The following LARGE1 variants were observed in gnomAD, a reference collection of about 807,000 sequenced individuals.
LARGE1 encodes LARGE xylosyl- and glucuronyltransferase 1, also known as xylosyl- and glucuronyltransferase LARGE1.
Under a neutral mutation model 87.6 loss-of-function variants are expected in LARGE1, and 43 were observed. The observed-to-expected ratio is 0.49, with a 90% confidence interval of 0.38 to 0.63. LARGE1 has a LOEUF of 0.63. Ranked by LOEUF, LARGE1 falls within the 30% of genes least tolerant of loss-of-function variation. The pLI is 0.00. For synonymous variants in LARGE1, 434 were observed against 394.6 expected, an observed-to-expected ratio of 1.10 and a Z score of -1.18; for missense variants, 802 against 1,000.2, an observed-to-expected ratio of 0.80 and a Z score of 2.67.
At position 33,328,662 on chromosome 22, in the gene LARGE1, T is replaced by G. The variant is rs57072017; in HGVS notation, c.1287+8984A>C. On this transcript the variant is annotated intron_variant, in intron 10 of 14. Transcript: ENST00000397394. ...AGATAACAGGAACTACCTTGAAGGG[T>G]TAGTGAAAGAGTAAGAAAACCGTAT... Among the ~76,000 whole-genome samples, 1,073 of 151,564 alleles carry G rather than the reference T, an allele frequency of 7.1e-3. 12 individuals are homozygous for G. Among genetic ancestry groups the G allele is most frequent in the African/African-American group, 0.025 (1,026 of 41,366 alleles).
intron 6 of LARGE1, among the ~76,000 whole-genome samples, chr22:33,443,739 T>C (rs1223734886): frequency 6.6e-6 from 1 of 152,222 alleles, no homozygotes; most frequent in Non-Finnish European, 1.5e-5. Context: ...AGACTTCAGT[T>C]CAATCTGAAA....
At chr22:33,112,916 A>G in the LARGE1 span, among the ~76,000 whole-genome samples, 2 of 152,154 alleles carry the variant, frequency 1.3e-5, no homozygotes, top group Non-Finnish European at 2.9e-5. Context: ...ATCAATCATC[A>G]TGTCAGGAGG....
chr22:33,775,056 C>T (rs1413592409), intron 1 of LARGE1, among the ~76,000 whole-genome samples: 1 of 152,140 alleles, frequency 6.6e-6, no homozygotes, highest in Non-Finnish European at 1.5e-5. Context: ...AAGAAGAAAA[C>T]ATTTATTGGG....
chr22:33,764,235 A>G lies in LARGE1; in HGVS notation c.-82-2677T>C, dbSNP rs569834065. On this transcript the variant is annotated intron_variant, in intron 1 of 14. Coordinates refer to ENST00000397394, the MANE Select transcript of LARGE1 (RefSeq NM_133642.5). ...GATTCCAACAAACAAGTATTGCCCA[A>G]TATGCCAGATAGGTGATTTAAACCT... Among the ~76,000 whole-genome samples, 28 of 152,102 alleles carry G rather than the reference A, an allele frequency of 1.8e-4. 1 individual carries two copies. The South Asian group carries it at 5.8e-3, about 32-fold the overall frequency.
intron 2 of LARGE1, among the ~76,000 whole-genome samples, chr22:33,716,540 G>A (rs1179210954): frequency 1.3e-5 from 2 of 152,084 alleles, no homozygotes; most frequent in African/African-American, 2.4e-5. Flanking sequence ...GGGACCACAG[G>A]CAAGTACCAC....
chr22:33,169,355 A>T (rs1922438039), intron 11 of LARGE1, among the ~76,000 whole-genome samples: 1 of 152,112 alleles, frequency 6.6e-6, no homozygotes. Flanking sequence ...CTTGCTAAGA[A>T]TTTGTGCTTG....
chr22:33,740,595 T>C (rs1164027685), intron 2 of LARGE1, among the ~76,000 whole-genome samples: 2 of 152,224 alleles, frequency 1.3e-5, no homozygotes, highest in East Asian at 3.8e-4. Flanking sequence ...CACTTGGTAC[T>C]TAATAAATAT....
intron 12 of LARGE1, among the ~76,000 whole-genome samples, chr22:33,301,906 A>G (rs1934198586): frequency 6.6e-6 from 1 of 152,212 alleles, no homozygotes; most frequent in Non-Finnish European, 1.5e-5. Context: ...AACTGTTCAT[A>G]CGTATTGCTT....
At chr22:33,840,157 A>T (rs2063234962) in intron 1 of LARGE1, among the ~76,000 whole-genome samples, 1 of 152,244 alleles carries the variant, frequency 6.6e-6, no homozygotes, top group Non-Finnish European at 1.5e-5. Context: ...GCCCTACTTC[A>T]TATTCAATTA....
At chr22:33,477,133 G>T (rs191902190) in intron 6 of LARGE1, among the ~76,000 whole-genome samples, 4 of 152,224 alleles carry the variant, frequency 2.6e-5, no homozygotes, top group Non-Finnish European at 4.4e-5. Context: ...GAAATTCTGG[G>T]AGGAATGTTC....
At chr22:33,521,828 T>G (rs999849292) in intron 6 of LARGE1, among the ~76,000 whole-genome samples, 2 of 152,288 alleles carry the variant, frequency 1.3e-5, no homozygotes, top group Middle Eastern at 3.4e-3. Flanking sequence ...AATGGGTAAT[T>G]TATAAAGAAA....
intron 11 of LARGE1, 69 bp from the exon 12 acceptor site, chr22:33,304,576 G>A: frequency 1.4e-6 from 2 of 1,463,314 alleles, no homozygotes; most frequent in Non-Finnish European, 1.8e-6. Flanking sequence ...GGCCTGTTGT[G>A]GGGCTCTGCC....
At chr22:33,081,823 C>A in the LARGE1 span, among the ~76,000 whole-genome samples, 1 of 152,112 alleles carries the variant, frequency 6.6e-6, no homozygotes, top group Non-Finnish European at 1.5e-5. Context: ...TGTCTGCAAG[C>A]TTTCTCTGTG....
chr22:33,829,010 T>C (rs981957710), intron 1 of LARGE1, among the ~76,000 whole-genome samples: 10 of 98,122 alleles, frequency 1.0e-4, no homozygotes, highest in African/African-American at 1.9e-4. Flanking sequence ...CTTTTTCTTT[T>C]TTTTTTTTTT....
chr22:33,336,201 T>C (rs539033530), intron 10 of LARGE1, among the ~76,000 whole-genome samples: 2 of 152,126 alleles, frequency 1.3e-5, no homozygotes, highest in Admixed American at 6.5e-5. Context: ...TGTAAGTTTG[T>C]TGTTATTGTT....
intron 1 of LARGE1, among the ~76,000 whole-genome samples, chr22:33,845,446 T>C (rs1437674020): frequency 1.3e-5 from 2 of 152,002 alleles, no homozygotes; most frequent in Non-Finnish European, 2.9e-5. Context: ...GTAGCTGAGA[T>C]TACAGGCATG....
At chr22:33,556,759 G>C (rs1480528712) in intron 6 of LARGE1, among the ~76,000 whole-genome samples, 1 of 151,760 alleles carries the variant, frequency 6.6e-6, no homozygotes, top group Non-Finnish European at 1.5e-5. Context: ...TGTAATCCCA[G>C]CACTTTGGGA....
chr22:33,231,459 T>A (rs1926002285), intron 11 of LARGE1, among the ~76,000 whole-genome samples: 1 of 152,262 alleles, frequency 6.6e-6, no homozygotes, highest in Admixed American at 6.5e-5. Context: ...AAGCAATATG[T>A]GTAAAATTGA....
chr22:33,196,588 C>T (rs959502281), intron 11 of LARGE1, among the ~76,000 whole-genome samples: 12 of 151,052 alleles, frequency 7.9e-5, no homozygotes, highest in Non-Finnish European at 1.5e-4. Context: ...AGGAAATTCA[C>T]CTTAAATAAA....
Sources: gnomAD v4.1 joint callset for allele counts (sites outside exome capture counted in the v4.1 genomes callset) on GRCh38, gnomAD v4.1.1 for gene constraint, MANE v1.5 for transcripts, NCBI Gene and HGNC (gene_info 2026-07-23, HGNC 2026-07-21) for gene names.